Variants in OPRD1 observed in about 807,000 individuals in gnomAD.
OPRD1 encodes the protein delta-type opioid receptor.
Under a neutral mutation model 17.5 loss-of-function variants are expected in OPRD1, and 19 were observed. The ratio of observed to expected loss-of-function variants is 1.09; its 90% CI spans 0.76 to 1.60. The LOEUF (loss-of-function observed/expected upper bound fraction) is 1.60, where lower values mean the gene tolerates loss of function less well. Ranked by LOEUF, OPRD1 falls within the 40% of genes most tolerant of loss-of-function variation. The pLI, the probability that OPRD1 is intolerant of heterozygous loss-of-function variation, is 0.00. For synonymous variants in OPRD1, 256 were observed against 240.9 expected (o/e 1.06, Z -0.58); for missense variants, 483 against 547.2 (o/e 0.88, Z 1.17).
chr1:28,826,349 C>A (rs1384741658), intron 1 of OPRD1, among the ~76,000 whole-genome samples: 1 of 151,854 alleles, frequency 6.6e-6, no homozygotes, highest in South Asian at 2.1e-4. Flanking sequence ...ATGGCAGAAC[C>A]CTGTCTCTAC....
chr1:28,825,663 C>T (rs931981974), intron 1 of OPRD1, among the ~76,000 whole-genome samples: 3 of 152,194 alleles, frequency 2.0e-5, no homozygotes, highest in African/African-American at 4.8e-5. Flanking sequence ...GGATTACAGG[C>T]GTGAGCCACA....
chr1:28,817,289 C>G (rs1231425205), intron 1 of OPRD1, among the ~76,000 whole-genome samples: 1 of 152,174 alleles, frequency 6.6e-6, no homozygotes, highest in Non-Finnish European at 1.5e-5. Flanking sequence ...CCTTTGTCCT[C>G]AGGATTAGAT....
At chr1:28,855,569 G>T (rs911393071) in intron 1 of OPRD1, among the ~76,000 whole-genome samples, 1 of 152,150 alleles carries the variant, frequency 6.6e-6, no homozygotes, top group Admixed American at 6.5e-5. Context: ...GAGGGGGGCC[G>T]TGAGGAGAGG....
chr1:28,861,084 T>G (rs1470065633), intron 2 of OPRD1, among the ~76,000 whole-genome samples: 1 of 152,168 alleles, frequency 6.6e-6, no homozygotes, highest in Non-Finnish European at 1.5e-5. Context: ...CTTAAACAAG[T>G]GCTGTTCTGG....
intron 1 of OPRD1, among the ~76,000 whole-genome samples, chr1:28,852,035 C>T (rs528592206): frequency 2.7e-5 from 4 of 150,942 alleles, no homozygotes; most frequent in Admixed American, 1.3e-4. Context: ...GGCGTGGTGG[C>T]GGGTGCCTGT....
chr1:28,828,413 C>A (rs945216526), intron 1 of OPRD1, among the ~76,000 whole-genome samples: 12 of 151,688 alleles, frequency 7.9e-5, no homozygotes, highest in African/African-American at 2.9e-4. Flanking sequence ...TTTGTTGTAC[C>A]ATTTATAGAG....
intron 1 of OPRD1, among the ~76,000 whole-genome samples, chr1:28,819,834 T>G (rs1307077928): frequency 6.6e-6 from 1 of 152,182 alleles, no homozygotes; most frequent in African/African-American, 2.4e-5. Flanking sequence ...GGTAGATTGC[T>G]GTCTGCAAAT....
chr1:28,816,705 G>A (rs1413662612), intron 1 of OPRD1, among the ~76,000 whole-genome samples: 1 of 152,072 alleles, frequency 6.6e-6, no homozygotes, highest in Non-Finnish European at 1.5e-5. Context: ...ATGTGGGATT[G>A]GCCAGCACGA....
chr1:28,858,155 C>T (rs1358107570), intron 1 of OPRD1, among the ~76,000 whole-genome samples: 1 of 145,860 alleles, frequency 6.9e-6, no homozygotes, highest in Non-Finnish European at 1.5e-5. Flanking sequence ...CTTCTGTGGC[C>T]CAGGCGGGAG....
chr1:28,837,428 T>A (rs2088862003), intron 1 of OPRD1, among the ~76,000 whole-genome samples: 1 of 152,026 alleles, frequency 6.6e-6, no homozygotes, highest in African/African-American at 2.4e-5. Context: ...GGCAGGCAGA[T>A]CACGAGGTCA....
chr1:28,817,935 G>A (rs555187584), intron 1 of OPRD1, among the ~76,000 whole-genome samples: 12 of 152,048 alleles, frequency 7.9e-5, no homozygotes, highest in Non-Finnish European at 1.6e-4. Context: ...GGCCAGGCTG[G>A]TCTCGAACTC....
rs2089086872 is a variant in OPRD1 at position 28,859,127 on chromosome 1, C to T, written c.401C>T (p.Thr134Ile). The change falls in exon 2 of 3, where the codon ACC (threonine) becomes ATC (isoleucine). Residue 134 changes from threonine (T) to isoleucine (I), a missense_variant. By Grantham distance (89) the Thr-to-Ile change is moderately conservative. Transcript: ENST00000234961. ...VLSIDYYNMFTSIFTLTMMSV... is the reference protein window; with the variant it reads ...VLSIDYYNMFISIFTLTMMSV... ...TCCATCGACTACTACAATATGTTCA[C>T]CAGCATCTTCACGCTCACCATGATG... 3 of 1,614,126 alleles carry T rather than the reference C, an allele frequency of 1.9e-6. No individual in the cohort carries two copies. The highest frequency in any genetic ancestry group is 4.5e-5 in the East Asian group (2 of 44,898).
Position 28,859,218 on chromosome 1 carries a change from G to A in OPRD1, c.492G>A (p.Lys164=), listed in dbSNP as rs2089088601. The change falls in exon 2 of 3, where the codon AAG becomes AAA. Residue 164 remains lysine (K), a synonymous_variant. Transcript: ENST00000234961. ...CCCTGGACTTCCGCACGCCTGCCAA[G>A]GCCAAGCTGATCAACATCTGTATCT... ...VKALDFRTPA[K]AKLINICIWV... 6.2e-7 allele frequency: 1 copy of A among 1,614,258 alleles called. No homozygotes were observed. Among genetic ancestry groups the A allele is most frequent in the Non-Finnish European group, 8.5e-7 (1 of 1,180,050 alleles).
chr1:28,835,283 T>G (rs533905889), intron 1 of OPRD1, among the ~76,000 whole-genome samples: 42 of 152,212 alleles, frequency 2.8e-4, no homozygotes, highest in African/African-American at 9.1e-4. Context: ...CTGGCTGCCA[T>G]GAGTGTGTTG....
intron 1 of OPRD1, among the ~76,000 whole-genome samples, chr1:28,833,909 A>G (rs2088827994): frequency 6.6e-6 from 1 of 152,184 alleles, no homozygotes; most frequent in Non-Finnish European, 1.5e-5. Context: ...GAAGACACAC[A>G]CAAAAGTAGG....
intron 2 of OPRD1, 124 bp downstream of exon 2, chr1:28,859,427 T>C (rs2089090932): frequency 5.1e-6 from 4 of 784,960 alleles, no homozygotes; most frequent in Non-Finnish European, 8.0e-6. Context: ...GGTTGGATTC[T>C]GATCAAGATC....
intron 1 of OPRD1, among the ~76,000 whole-genome samples, chr1:28,852,164 TAAAAAAAA>T (rs71030305): frequency 2.3e-5 from 2 of 86,752 alleles, no homozygotes; most frequent in Non-Finnish European, 4.4e-5. Flanking sequence ...AAACTCCATG[TAAAAAAAA>T]AAAAAAAAAA....
chr1:28,827,447 A>G (rs1270903981), intron 1 of OPRD1, among the ~76,000 whole-genome samples: 1 of 152,234 alleles, frequency 6.6e-6, no homozygotes. Flanking sequence ...CTCTTGCCTC[A>G]GTCTCCTGAG....
At position 28,863,943 on chromosome 1, in the gene OPRD1, G is replaced by A. The variant is rs1403050075; in HGVS notation, c.*660G>A. On this transcript the variant is annotated 3_prime_UTR_variant, in exon 3 of 3. Transcript: ENST00000234961. ...AAGGGGCAAGGCTCGCTGAGGTCCA[G>A]GTCCGACTTGACACCTTTATAAATA... 1.3e-5 allele frequency: 2 copies of A among 152,436 alleles called. No homozygotes were observed. Among genetic ancestry groups the A allele is most frequent in the Non-Finnish European group, 2.9e-5 (2 of 68,218 alleles). The allele number at this position is 152,436 out of a possible 1,614,324, so 9.4% of individuals were successfully genotyped here.
Sources: allele counts gnomAD v4.1 joint callset (sites outside exome capture counted in the v4.1 genomes callset), GRCh38; gene constraint gnomAD v4.1.1; transcripts MANE v1.5; gene names NCBI Gene and HGNC (gene_info 2026-07-23, HGNC 2026-07-21).